Variants in MACROD2 observed in about 807,000 individuals in gnomAD.
The protein encoded by MACROD2 is ADP-ribose glycohydrolase MACROD2.
MACROD2 carries 36 observed loss-of-function variants against 70.4 expected under a neutral mutation model. The observed-to-expected ratio is 0.51, with a 90% CI of 0.39 to 0.68. MACROD2 has a LOEUF of 0.68. Ranked by LOEUF, MACROD2 falls within the 30% of genes least tolerant of loss-of-function variation. MACROD2 has a pLI of 0.00. For synonymous variants in MACROD2, 172 were observed against 178.8 expected (o/e 0.96, Z 0.30); for missense variants, 496 against 538.4 (o/e 0.92, Z 0.78).
At position 16,044,690 on chromosome 20, in the gene MACROD2, C is replaced by T. The variant is rs761264763; in HGVS notation, c.1300+51C>T. ...TTCAATGATCAACCAGCCATAAGAACTATTTGCAAATGACATACTGGATTT... is the reference window on the plus strand; with the variant it reads ...TTCAATGATCAACCAGCCATAAGAATTATTTGCAAATGACATACTGGATTT... On this transcript the variant is annotated intron_variant, in intron 17 of 17. Transcript: ENST00000684519. 2.0e-6 allele frequency: 3 copies of T among 1,528,038 alleles called. No individual in the cohort carries two copies. The East Asian group carries it at 6.8e-5, about 34-fold the overall frequency. 94.7% of individuals were successfully genotyped at this position (1,528,038 alleles called of 1,614,324 possible). A position where few individuals can be genotyped will look rare whatever the true frequency, so the allele number is the denominator to read the frequency against.
chr20:14,913,863 G>A (rs994721084), intron 5 of MACROD2, among the ~76,000 whole-genome samples: 5 of 151,894 alleles, frequency 3.3e-5, no homozygotes, highest in African/African-American at 9.7e-5. Flanking sequence ...GGACACTGTA[G>A]AGTTTGTTTA....
chr20:14,728,538 A>G (rs118062218), intron 5 of MACROD2, among the ~76,000 whole-genome samples: 2 of 152,210 alleles, frequency 1.3e-5, no homozygotes, highest in Non-Finnish European at 2.9e-5. Context: ...ACCTTACAGA[A>G]TATGAGACAC....
intron 10 of MACROD2, among the ~76,000 whole-genome samples, chr20:15,908,410 C>T (rs1214075548): frequency 1.3e-5 from 2 of 152,178 alleles, no homozygotes; most frequent in East Asian, 3.9e-4. Context: ...AGCTCCCATC[C>T]ACTGCTAGTC....
At chr20:14,655,319 CTG>C (rs11470954) in intron 4 of MACROD2, among the ~76,000 whole-genome samples, 27,368 of 141,352 alleles carry the variant, frequency 0.19, 2,652 homozygotes, top group East Asian at 0.4. Flanking sequence ...AAAGTGGACA[CTG>C]TGTGTGTGTG....
chr20:14,889,793 A>G (rs1340529406), intron 5 of MACROD2, among the ~76,000 whole-genome samples: 1 of 152,152 alleles, frequency 6.6e-6, no homozygotes, highest in Non-Finnish European at 1.5e-5. Context: ...GTGAATTGGG[A>G]AGCCAGTGCA....
intron 6 of MACROD2, among the ~76,000 whole-genome samples, 171 bp downstream of exon 6, chr20:15,230,232 T>C (rs1409588851): frequency 1.3e-5 from 2 of 152,266 alleles, no homozygotes; most frequent in Admixed American, 1.3e-4. Context: ...GTGCTATAAA[T>C]ATTTGCTAAA....
intron 5 of MACROD2, among the ~76,000 whole-genome samples, chr20:14,991,265 A>C (rs2074901480): frequency 6.6e-6 from 1 of 152,194 alleles, no homozygotes; most frequent in Non-Finnish European, 1.5e-5. Flanking sequence ...GTTCATGGAC[A>C]GTGAACCCAC....
intron 8 of MACROD2, among the ~76,000 whole-genome samples, chr20:15,646,984 C>G (rs460829): frequency 0.024 from 3,672 of 152,332 alleles, 180 homozygotes; most frequent in East Asian, 0.2. Context: ...AGAATCCATA[C>G]TGTGTGTCCT....
At chr20:15,861,158 T>C (rs1335919076) in intron 8 of MACROD2, among the ~76,000 whole-genome samples, 1 of 152,018 alleles carries the variant, frequency 6.6e-6, no homozygotes, top group African/African-American at 2.4e-5. Flanking sequence ...ACAGTACTTA[T>C]GAATAGATCC....
At chr20:15,022,643 A>T (rs1212592240) in intron 5 of MACROD2, among the ~76,000 whole-genome samples, 1 of 152,220 alleles carries the variant, frequency 6.6e-6, no homozygotes, top group Non-Finnish European at 1.5e-5. Flanking sequence ...AGAAGACAAG[A>T]TGACCTGGTT....
intron 3 of MACROD2, among the ~76,000 whole-genome samples, chr20:14,315,320 G>A (rs927998908): frequency 6.6e-6 from 1 of 152,196 alleles, no homozygotes; most frequent in Non-Finnish European, 1.5e-5. Context: ...CTCTACATTT[G>A]CAGAGTGGCT....
intron 4 of MACROD2, among the ~76,000 whole-genome samples, chr20:14,508,283 C>CTTT (rs1399525162): frequency 6.6e-6 from 1 of 152,154 alleles, no homozygotes; most frequent in East Asian, 1.9e-4. Flanking sequence ...TTTCTTTTCT[C>CTTT]TTTTTTTCTC....
chr20:15,552,963 T>A (rs1366243502), intron 8 of MACROD2: 1 of 152,210 alleles, frequency 6.6e-6, no homozygotes, highest in Admixed American at 6.5e-5. Context: ...AATCCAAGTC[T>A]TTGTCTCAGG....
chr20:15,266,602 T>C (rs1600170954), intron 6 of MACROD2, among the ~76,000 whole-genome samples: 1 of 152,306 alleles, frequency 6.6e-6, no homozygotes, highest in East Asian at 1.9e-4. Context: ...CCACTTTTCT[T>C]TCTCTCTAAA....
chr20:14,734,717 A>AC (rs1375799022), intron 5 of MACROD2, among the ~76,000 whole-genome samples: 1 of 152,156 alleles, frequency 6.6e-6, no homozygotes. Context: ...TGGAGGGTTC[A>AC]CATTTCCCAA....
rs541522162 is a variant in MACROD2 at position 15,573,076 on chromosome 20, G to A, written c.645+73229G>A. On this transcript the variant is annotated intron_variant, in intron 8 of 17. Transcript: ENST00000684519. The stretch of plus-strand genomic sequence containing the variant: ...CTAATTGCAGAAAATTTGGAACACC[G>A]TAAGGCACATAAAGAAATACCCCAC... Among the ~76,000 whole-genome samples, 16 of 152,062 alleles carry A rather than the reference G, an allele frequency of 1.1e-4. No individual in the cohort carries two copies. The South Asian group carries it at 1.2e-3, about 12-fold the overall frequency.
chr20:15,108,268 T>C (rs1243275717), intron 5 of MACROD2, among the ~76,000 whole-genome samples: 1 of 152,162 alleles, frequency 6.6e-6, no homozygotes, highest in Admixed American at 6.5e-5. Flanking sequence ...AAGCAATGAA[T>C]AAAGGGTGGC....
At chr20:15,665,398 C>G (rs1180080748) in intron 8 of MACROD2, among the ~76,000 whole-genome samples, 1 of 152,132 alleles carries the variant, frequency 6.6e-6, no homozygotes, top group Non-Finnish European at 1.5e-5. Context: ...GGATATAACT[C>G]ACCCCTTACA....
chr20:14,444,281 A>G (rs1441248298), intron 3 of MACROD2, among the ~76,000 whole-genome samples: 5 of 152,042 alleles, frequency 3.3e-5, no homozygotes, highest in African/African-American at 9.7e-5. Flanking sequence ...GCGTTGCCCA[A>G]TCCTTCAAAT....
Sources: gnomAD v4.1 joint callset for allele counts (sites outside exome capture counted in the v4.1 genomes callset) on GRCh38, gnomAD v4.1.1 for gene constraint, MANE v1.5 for transcripts, NCBI Gene and HGNC (gene_info 2026-07-23, HGNC 2026-07-21) for gene names.